The following GNB5 variants were observed in gnomAD, a reference collection of about 807,000 sequenced individuals.
GNB5 encodes the protein guanine nucleotide-binding protein subunit beta-5.
GNB5 carries 37 observed loss-of-function variants against 55.3 expected under a neutral mutation model. That is an observed-to-expected ratio of 0.67 (90% confidence interval 0.51 to 0.88). The LOEUF (loss-of-function observed/expected upper bound fraction) is 0.88, where lower values mean the gene tolerates loss of function less well. Among genes scored for constraint, GNB5 ranks in the 40% least tolerant of loss-of-function variants. The pLI, the probability that GNB5 is intolerant of heterozygous loss-of-function variation, is 0.00. For missense variants in GNB5, 476 were observed against 515.3 expected (o/e 0.92, Z 0.74); for synonymous variants, 219 against 198.5 (o/e 1.10, Z -0.87).
chr15:52,143,605 T>C (rs888563820), intron 6 of GNB5, among the ~76,000 whole-genome samples: 6 of 152,122 alleles, frequency 3.9e-5, no homozygotes, highest in African/African-American at 1.4e-4. Context: ...ACCATTTGGG[T>C]TTTAGCTTTC....
intron 1 of GNB5, among the ~76,000 whole-genome samples, chr15:52,187,842 G>A (rs576043258): frequency 7.2e-4 from 110 of 152,162 alleles, no homozygotes; most frequent in African/African-American, 2.4e-3. Context: ...CCAGCTACTC[G>A]GGAGGCTGAG....
intron 4 of GNB5, among the ~76,000 whole-genome samples, chr15:52,152,091 A>G (rs1457442060): frequency 1.3e-5 from 2 of 151,928 alleles, no homozygotes; most frequent in Non-Finnish European, 2.9e-5. Context: ...TTAAAAAAAA[A>G]GCAAGTGCAA....
rs545737512 is a variant in GNB5 at position 52,151,873 on chromosome 15, A to C, written c.376-1948T>G. Among the ~76,000 whole-genome samples, 5 of 152,222 alleles carry C rather than the reference A, an allele frequency of 3.3e-5. No individual in the cohort carries two copies. The East Asian group carries it at 9.6e-4, about 29-fold the overall frequency. On this transcript the variant is annotated intron_variant, in intron 4 of 12. Transcript: ENST00000261837. The stretch of plus-strand genomic sequence containing the variant: ...ATAATCTCAGTGCTTTCAGAGGCTG[A>C]GGCAGGAGGATCACTCGAGCCCAGG...
chr15:52,145,310 G>C (rs985307846), intron 6 of GNB5, among the ~76,000 whole-genome samples: 1 of 151,906 alleles, frequency 6.6e-6, no homozygotes, highest in African/African-American at 2.4e-5. Context: ...CATCTATAAA[G>C]TGGAGACACA....
In GNB5 at chr15:52,122,088, A is replaced by G. The variant is rs1400553305; in HGVS notation, c.*669T>C. ...AACGCCCTGTCCAAGTGGCACAGTGACATCATCATCATCCATGAGTCAAAC... is the reference window on the plus strand; with the variant it reads ...AACGCCCTGTCCAAGTGGCACAGTGGCATCATCATCATCCATGAGTCAAAC... On this transcript the variant is annotated 3_prime_UTR_variant, in exon 13 of 13. Coordinates refer to ENST00000261837, the MANE Select transcript of GNB5 (RefSeq NM_016194.4). 1 of 152,240 alleles carries G rather than the reference A, an allele frequency of 6.6e-6. No homozygotes were observed. The highest frequency in any genetic ancestry group is 2.4e-5 in the African/African-American group (1 of 41,456). 9.4% of individuals were successfully genotyped at this position (152,240 alleles called of 1,614,324 possible).
chr15:52,141,073 C>T, intron 7 of GNB5, 67 bp downstream of exon 7: 1 of 1,456,350 alleles, frequency 6.9e-7, no homozygotes, highest in South Asian at 1.2e-5. Flanking sequence ...CGAAAGCTTC[C>T]TCTCCTCTCA....
At chr15:52,142,961 C>A (rs1038970709) in intron 6 of GNB5, among the ~76,000 whole-genome samples, 1 of 152,004 alleles carries the variant, frequency 6.6e-6, no homozygotes, top group African/African-American at 2.4e-5. Context: ...TCAAGACCAG[C>A]CTGGCCAACA....
At chr15:52,152,696 T>C (rs1042765314) in intron 4 of GNB5, among the ~76,000 whole-genome samples, 1 of 150,774 alleles carries the variant, frequency 6.6e-6, no homozygotes, top group African/African-American at 2.4e-5. Flanking sequence ...AATGGCATAA[T>C]CTCAGCTCAC....
In GNB5 at chr15:52,124,686, C is replaced by G. The variant is rs554338752; in HGVS notation, c.1010-47G>C. On this transcript the variant is annotated intron_variant, in intron 11 of 12. Transcript: ENST00000261837. ...AGCTGTTAAGCCAGTTCCTTGCTTC[C>G]TGTTTCTCATTACATGACTGTTACT... The G allele has an allele frequency of 1.7e-5, 26 of 1,533,242 alleles. No homozygotes were observed. In the East Asian group the frequency reaches 5.6e-4, roughly 33 times the overall value. 95.0% of individuals were successfully genotyped at this position (1,533,242 alleles called of 1,614,324 possible). A position where few individuals can be genotyped will look rare whatever the true frequency, so the allele number is the denominator to read the frequency against.
chr15:52,190,376 C>G (rs1342987080), intron 1 of GNB5, among the ~76,000 whole-genome samples: 1 of 152,110 alleles, frequency 6.6e-6, no homozygotes, highest in East Asian at 1.9e-4. Flanking sequence ...CTCAGCCTCC[C>G]AAAGTGCTGG....
chr15:52,127,383 G>A (rs1020098413), intron 10 of GNB5, among the ~76,000 whole-genome samples: 1 of 152,054 alleles, frequency 6.6e-6, no homozygotes, highest in Non-Finnish European at 1.5e-5. Flanking sequence ...TAATTGGAGT[G>A]TTCATTTTAT....
intron 6 of GNB5, among the ~76,000 whole-genome samples, chr15:52,144,918 C>A (rs2033937849): frequency 2.6e-5 from 4 of 152,184 alleles, no homozygotes; most frequent in Admixed American, 1.3e-4. Flanking sequence ...TGCCTCCTGG[C>A]TTCTGCCCCA....
At chr15:52,175,941 C>A (rs1216265455) in intron 3 of GNB5, among the ~76,000 whole-genome samples, 1 of 150,464 alleles carries the variant, frequency 6.6e-6, no homozygotes, top group African/African-American at 2.5e-5. Context: ...CCCAGCTACT[C>A]AGGAGGCTGA....
chr15:52,147,338 T>A (rs915871099), intron 6 of GNB5, 121 bp downstream of exon 6: 6 of 728,122 alleles, frequency 8.2e-6, no homozygotes, highest in Middle Eastern at 4.8e-4. Context: ...GGGAAGGATT[T>A]AGCATACTGC....
At chr15:52,129,032 T>G (rs911183843) in intron 9 of GNB5, among the ~76,000 whole-genome samples, 1 of 149,112 alleles carries the variant, frequency 6.7e-6, no homozygotes, top group Non-Finnish European at 1.5e-5. Context: ...CTTGGCTCAC[T>G]ACAACCTCCA....
chr15:52,162,973 C>T (rs2034366879), intron 3 of GNB5: 1 of 152,186 alleles, frequency 6.6e-6, no homozygotes, highest in South Asian at 2.1e-4. Context: ...ACACCTTCAA[C>T]TGAGGTATTC....
intron 4 of GNB5, among the ~76,000 whole-genome samples, chr15:52,152,507 T>G (rs1428830274): frequency 6.6e-6 from 1 of 151,914 alleles, no homozygotes; most frequent in African/African-American, 2.4e-5. Context: ...TATTTTTTAG[T>G]AGACACGAGG....
chr15:52,137,037 A>G (rs1015598216), intron 7 of GNB5: 2 of 454,982 alleles, frequency 4.4e-6, no homozygotes, highest in African/African-American at 4.0e-5. Context: ...GGGCTCACCA[A>G]TCCAAAGCTA....
At chr15:52,170,293 C>T (rs577473582) in intron 3 of GNB5, among the ~76,000 whole-genome samples, 84 of 152,208 alleles carry the variant, frequency 5.5e-4, no homozygotes, top group Non-Finnish European at 1.0e-3. Context: ...TTTACAATAT[C>T]AAAGATGTGA....
Sources: gnomAD v4.1 joint callset for allele counts (sites outside exome capture counted in the v4.1 genomes callset) on GRCh38, gnomAD v4.1.1 for gene constraint, MANE v1.5 for transcripts, NCBI Gene and HGNC (gene_info 2026-07-23, HGNC 2026-07-21) for gene names.